The following CDK14 variants were observed in gnomAD, a reference collection of about 807,000 sequenced individuals.
The protein encoded by CDK14 is cyclin-dependent kinase 14.
Under a neutral mutation model 60.7 loss-of-function variants are expected in CDK14, and 34 were observed. The ratio of observed to expected loss-of-function variants is 0.56; its 90% CI spans 0.43 to 0.75. The LOEUF (loss-of-function observed/expected upper bound fraction) is 0.75. Among genes scored for constraint, CDK14 ranks in the 30% least tolerant of loss-of-function variants. The probability of loss-of-function intolerance (pLI) is 0.00; values close to 1 mark genes in which losing one functional copy is unlikely to be tolerated. For missense variants in CDK14, 482 were observed against 564.1 expected, an observed-to-expected ratio of 0.85 and a Z score of 1.47; for synonymous variants, 197 against 203.7, an observed-to-expected ratio of 0.97 and a Z score of 0.28.
At chr7:90,631,558 G>A (rs1799997359) in intron 2 of CDK14, among the ~76,000 whole-genome samples, 1 of 152,158 alleles carries the variant, frequency 6.6e-6, no homozygotes, top group South Asian at 2.1e-4. Flanking sequence ...ATGTTTATCT[G>A]TTTCTTAGTG....
At chr7:91,081,592 T>C (rs902680520) in intron 12 of CDK14, among the ~76,000 whole-genome samples, 3 of 152,182 alleles carry the variant, frequency 2.0e-5, no homozygotes, top group Non-Finnish European at 4.4e-5. Flanking sequence ...CTAGTGGAGA[T>C]GTTAACCTGC....
intron 5 of CDK14, among the ~76,000 whole-genome samples, chr7:90,819,028 TA>T (rs1271592450): frequency 2.6e-5 from 4 of 152,128 alleles, no homozygotes; most frequent in Non-Finnish European, 5.9e-5. Context: ...AGTGATTTGA[TA>T]AACCCGTGTG....
rs111918409 is a variant in CDK14, at chr7:90,663,095, A to AACACAC, written c.123+58879_123+58884dup. 6.2e-3 allele frequency among the ~76,000 whole-genome samples: 816 copies of AACACAC among 132,046 alleles called. 6 individuals are homozygous for AACACAC. Among genetic ancestry groups the AACACAC allele is most frequent in the African/African-American group, 0.017 (636 of 37,060 alleles). The allele number at this position is 132,046 out of a possible 152,430, so 86.6% of individuals were successfully genotyped here. On this transcript the variant is annotated intron_variant, in intron 2 of 14. Transcript: ENST00000380050. The stretch of plus-strand genomic sequence containing the variant: ...TTGGGGTGATTGGAACTAAGATGGG[A>AACACAC]ACACACACACACACACACACACACA...
intron 9 of CDK14, among the ~76,000 whole-genome samples, chr7:90,957,849 C>A (rs1584167706): frequency 6.6e-6 from 1 of 152,108 alleles, no homozygotes; most frequent in East Asian, 1.9e-4. Context: ...TTGGAAAAAA[C>A]TACTTTAAAG....
chr7:90,668,699 C>CT lies in CDK14; in HGVS notation c.124-57841dup, dbSNP rs59773768. 1.5e-3 allele frequency among the ~76,000 whole-genome samples: 135 copies of CT among 87,514 alleles called. 10 individuals carry two copies. The highest frequency in any genetic ancestry group is 5.5e-3 in the African/African-American group (126 of 23,110). 57.4% of individuals were successfully genotyped at this position (87,514 alleles called of 152,430 possible). ...TATGGTGTAAGGAAGGACTCGCATT[C>CT]TTTTTTTTTTTTTTTTTTTTTTTTT... is the stretch of plus-strand genomic sequence containing the variant. On this transcript the variant is annotated intron_variant, in intron 2 of 14. Coordinates refer to ENST00000380050, the MANE Select transcript of CDK14 (RefSeq NM_001287135.2).
intron 2 of CDK14, among the ~76,000 whole-genome samples, chr7:90,668,713 T>G (rs1186182111): frequency 7.1e-6 from 1 of 141,514 alleles, no homozygotes; most frequent in Non-Finnish European, 1.5e-5. Context: ...TTTTTTTTTT[T>G]TTTTTTTTTT....
chr7:90,726,799 C>T lies in CDK14; in HGVS notation c.356C>T (p.Ser119Phe). The change falls in exon 3 of 15, where the codon TCC becomes TTC. Residue 119 changes from serine to phenylalanine, a missense_variant. Ser to Phe is a radical substitution (Grantham distance 155, BLOSUM62 -2). Coordinates refer to ENST00000380050, the MANE Select transcript of CDK14 (RefSeq NM_001287135.2). The stretch of plus-strand genomic sequence containing the variant: ...GAGTCACCTAAAGTTAGGCGGCACT[C>T]CAGCCCCAGCTCGGTAAGTGCAGTC... Reference protein sequence around the residue: ...GKESPKVRRHSSPSSPTSPKF... With the variant: ...GKESPKVRRHFSPSSPTSPKF... 1 of 1,613,562 alleles carries T rather than the reference C, an allele frequency of 6.2e-7. No individual in the cohort carries two copies. Among genetic ancestry groups the T allele is most frequent in the East Asian group, 2.2e-5 (1 of 44,876 alleles).
chr7:91,184,048 A>G (rs1299312423), intron 14 of CDK14, among the ~76,000 whole-genome samples: 1 of 151,966 alleles, frequency 6.6e-6, no homozygotes, highest in Non-Finnish European at 1.5e-5. Context: ...AAAATTTTTA[A>G]ACCAGGCGCT....
intron 12 of CDK14, among the ~76,000 whole-genome samples, chr7:91,085,484 G>A (rs892944387): frequency 6.6e-6 from 1 of 152,192 alleles, no homozygotes; most frequent in South Asian, 2.1e-4. Flanking sequence ...CATGTAATTA[G>A]ATTGGGCCCA....
chr7:91,049,281 A>G (rs1797325633), intron 11 of CDK14, among the ~76,000 whole-genome samples: 1 of 152,220 alleles, frequency 6.6e-6, no homozygotes, highest in Non-Finnish European at 1.5e-5. Context: ...AGCAATTTTG[A>G]AAATAATCCT....
chr7:90,811,126 T>C (rs947953642), intron 5 of CDK14, among the ~76,000 whole-genome samples: 2 of 152,116 alleles, frequency 1.3e-5, no homozygotes, highest in African/African-American at 2.4e-5. Flanking sequence ...CTTTAAAGTT[T>C]ATGTGGAACC....
intron 2 of CDK14, among the ~76,000 whole-genome samples, chr7:90,643,712 A>G (rs907859729): frequency 3.3e-5 from 5 of 152,172 alleles, no homozygotes; most frequent in African/African-American, 1.2e-4. Flanking sequence ...CTCTTTATTT[A>G]CTGTCTTCTC....
At chr7:90,655,201 G>A (rs1157674861) in intron 2 of CDK14, among the ~76,000 whole-genome samples, 1 of 152,120 alleles carries the variant, frequency 6.6e-6, no homozygotes, top group Non-Finnish European at 1.5e-5. Flanking sequence ...TCCATTGTAT[G>A]GATGTACCAT....
intron 14 of CDK14, among the ~76,000 whole-genome samples, chr7:91,137,691 G>GA (rs199630487): frequency 0.29 from 18,113 of 61,826 alleles, 1,526 homozygotes; most frequent in African/African-American, 0.44. Flanking sequence ...AGACTTGTGG[G>GA]GGGTGTGTGT....
At chr7:90,905,277 A>G (rs1792659354) in intron 7 of CDK14, among the ~76,000 whole-genome samples, 1 of 152,196 alleles carries the variant, frequency 6.6e-6, no homozygotes, top group South Asian at 2.1e-4. Flanking sequence ...TTAGAATACC[A>G]AATGTGTTTA....
chr7:90,648,620 C>T (rs1165479782), intron 2 of CDK14, among the ~76,000 whole-genome samples: 1 of 152,006 alleles, frequency 6.6e-6, no homozygotes, highest in East Asian at 1.9e-4. Context: ...CTCAGGGCCC[C>T]CAGACCTCAT....
Position 90,758,119 on chromosome 7 carries a change from C to T in CDK14, c.464+10344C>T, listed in dbSNP as rs554902491. ...ACAAATGGCTGGTTAACCCTGTTCA[C>T]ATCAACATACAAAACTCACAAATAT... is the stretch of plus-strand genomic sequence containing the variant. On this transcript the variant is annotated intron_variant, in intron 4 of 14. Coordinates refer to ENST00000380050, the MANE Select transcript of CDK14 (RefSeq NM_001287135.2). Among the ~76,000 whole-genome samples, 72 of 152,344 alleles carry T rather than the reference C, an allele frequency of 4.7e-4. 1 individual carries two copies. Among genetic ancestry groups the T allele is most frequent in the African/African-American group, 1.7e-3 (70 of 41,574 alleles).
intron 2 of CDK14, among the ~76,000 whole-genome samples, chr7:90,634,539 A>G (rs1266833214): frequency 6.6e-6 from 1 of 151,682 alleles, no homozygotes; most frequent in Non-Finnish European, 1.5e-5. Flanking sequence ...TCATTGTTGG[A>G]CATTTGGGTT....
intron 5 of CDK14, among the ~76,000 whole-genome samples, chr7:90,802,717 G>A (rs1788688666): frequency 6.6e-6 from 1 of 152,012 alleles, no homozygotes; most frequent in Admixed American, 6.6e-5. Context: ...CATCAAATAT[G>A]AACATGAGGC....
Sources: allele counts gnomAD v4.1 joint callset (sites outside exome capture counted in the v4.1 genomes callset), GRCh38; gene constraint gnomAD v4.1.1; transcripts MANE v1.5; gene names NCBI Gene and HGNC (gene_info 2026-07-23, HGNC 2026-07-21).